Variants in PLGRKT observed in about 807,000 individuals in gnomAD.
The protein encoded by PLGRKT is plasminogen receptor with a C-terminal lysine, also known as plasminogen receptor (KT).
PLGRKT carries 22 observed loss-of-function variants against 18.5 expected under a neutral mutation model. The observed-to-expected ratio is 1.19, with a 90% confidence interval of 0.85 to 1.70. The LOEUF (loss-of-function observed/expected upper bound fraction) is 1.70, where lower values mean the gene tolerates loss of function less well. Among genes scored for constraint, PLGRKT ranks in the 40% most tolerant of loss-of-function variants. The pLI, the probability that PLGRKT is intolerant of heterozygous loss-of-function variation, is 0.00. For missense variants in PLGRKT, 235 were observed against 174.4 expected (o/e 1.35, Z -1.96); for synonymous variants, 72 against 52.8 (o/e 1.36, Z -1.58).
chr9:5,435,841 C>A (rs1468906202), intron 2 of PLGRKT, among the ~76,000 whole-genome samples: 1 of 152,204 alleles, frequency 6.6e-6, no homozygotes. Flanking sequence ...TTCATTACAG[C>A]CAGGATTCCC....
At chr9:5,430,558 C>G (rs1818803036) in intron 3 of PLGRKT, among the ~76,000 whole-genome samples, 1 of 152,152 alleles carries the variant, frequency 6.6e-6, no homozygotes, top group Non-Finnish European at 1.5e-5. Flanking sequence ...AGGCATTGTT[C>G]TATATATTTC....
chr9:5,434,188 C>A (rs528934581), intron 2 of PLGRKT, among the ~76,000 whole-genome samples: 10 of 147,938 alleles, frequency 6.8e-5, no homozygotes, highest in Middle Eastern at 7.4e-3. Flanking sequence ...GGCCGCCACC[C>A]CGTCTGGGAG....
At chr9:5,369,070 C>A (rs760655928) in intron 3 of PLGRKT, among the ~76,000 whole-genome samples, 8 of 152,114 alleles carry the variant, frequency 5.3e-5, no homozygotes, top group Non-Finnish European at 7.4e-5. Flanking sequence ...GACTAAAACA[C>A]CAAAAGCAAT....
intron 3 of PLGRKT, among the ~76,000 whole-genome samples, chr9:5,406,653 G>A (rs1818263685): frequency 2.6e-5 from 4 of 152,220 alleles, no homozygotes; most frequent in East Asian, 1.9e-4. Flanking sequence ...GAGCTAATGC[G>A]TGCTGGGCTT....
At position 5,418,740 on chromosome 9, in the gene PLGRKT, G is replaced by T. The variant is rs1437556273; in HGVS notation, c.81+13157C>A. On this transcript the variant is annotated intron_variant, in intron 3 of 5. Coordinates refer to ENST00000223864, the MANE Select transcript of PLGRKT (RefSeq NM_018465.4). The surrounding 1 kb of genome is among the most constrained non-coding windows in gnomAD (Gnocchi z 4.2). ...GCATGTGCTCCGAAGCGTGTGGAAT[G>T]GTGATGACAGCCAGGACCTCGGGGT... 4 of 683,038 alleles carry T rather than the reference G, an allele frequency of 5.9e-6. No individual in the cohort carries two copies. The highest frequency in any genetic ancestry group is 2.5e-4 in the Middle Eastern group (1 of 4,014). The allele number at this position is 683,038 out of a possible 1,614,324, so 42.3% of individuals were successfully genotyped here.
intron 3 of PLGRKT, among the ~76,000 whole-genome samples, chr9:5,420,708 T>C (rs1818559602): frequency 1.3e-5 from 2 of 152,210 alleles, no homozygotes; most frequent in Admixed American, 1.3e-4. Flanking sequence ...AAGATTGTGC[T>C]GCTTTCTTCT....
At chr9:5,412,709 G>C (rs1478739031) in intron 3 of PLGRKT, among the ~76,000 whole-genome samples, 3 of 152,186 alleles carry the variant, frequency 2.0e-5, no homozygotes, top group Non-Finnish European at 4.4e-5. Flanking sequence ...CTGTGGTATA[G>C]GGAAAAGCTT....
intron 3 of PLGRKT, among the ~76,000 whole-genome samples, chr9:5,416,269 T>C (rs1818456830): frequency 6.6e-6 from 1 of 152,106 alleles, no homozygotes; most frequent in Admixed American, 6.5e-5. Flanking sequence ...CTAGAAATCC[T>C]CCTCCTCCTG....
intron 3 of PLGRKT, among the ~76,000 whole-genome samples, chr9:5,424,856 GATGGGGTTTCACCGT>G (rs1818666057): frequency 6.6e-6 from 1 of 150,830 alleles, no homozygotes; most frequent in South Asian, 2.1e-4. Flanking sequence ...GTTTTGTAGA[GATGGGGTTTCACCGT>G]ATTGACCAGG....
At chr9:5,392,595 T>C (rs1586721625) in intron 3 of PLGRKT, 2 of 151,956 alleles carry the variant, frequency 1.3e-5, no homozygotes. Context: ...CCCTACATAC[T>C]AGCTGTGTGA....
At chr9:5,396,969 G>C (rs1432662141) in intron 3 of PLGRKT, among the ~76,000 whole-genome samples, 1 of 151,950 alleles carries the variant, frequency 6.6e-6, no homozygotes, top group Non-Finnish European at 1.5e-5. Flanking sequence ...ACTTCACAGT[G>C]ACAATAAAGG....
chr9:5,394,164 T>C (rs1168481503), intron 3 of PLGRKT, among the ~76,000 whole-genome samples: 2 of 151,894 alleles, frequency 1.3e-5, no homozygotes, highest in South Asian at 2.1e-4. Flanking sequence ...CAAAATGATC[T>C]AGACTTTTTG....
chr9:5,417,991 T>A (rs978470673), intron 3 of PLGRKT, among the ~76,000 whole-genome samples: 3 of 152,268 alleles, frequency 2.0e-5, no homozygotes, highest in African/African-American at 7.2e-5. Flanking sequence ...AGAGCATCTT[T>A]GTTTTAATCT....
At chr9:5,401,322 C>T (rs1818150120) in intron 3 of PLGRKT, among the ~76,000 whole-genome samples, 1 of 151,890 alleles carries the variant, frequency 6.6e-6, no homozygotes, top group African/African-American at 2.4e-5. Flanking sequence ...TTAGGTTATG[C>T]TTTTCTAGAA....
chr9:5,422,335 T>A (rs1422500059), intron 3 of PLGRKT, among the ~76,000 whole-genome samples: 7 of 152,172 alleles, frequency 4.6e-5, no homozygotes, highest in African/African-American at 1.4e-4. Context: ...AAAAGATTCT[T>A]GCTAAAAGAA....
chr9:5,433,278 A>G (rs1818870879), intron 2 of PLGRKT, among the ~76,000 whole-genome samples: 1 of 142,624 alleles, frequency 7.0e-6, no homozygotes, highest in Non-Finnish European at 1.5e-5. Context: ...CCGTCTAGGA[A>G]GTAAGGAGTG....
At chr9:5,423,709 CTT>C (rs932891077) in intron 3 of PLGRKT, among the ~76,000 whole-genome samples, 1 of 146,890 alleles carries the variant, frequency 6.8e-6, no homozygotes. Flanking sequence ...TATTATTTTT[CTT>C]TTTTTTTTGA....
intron 5 of PLGRKT, among the ~76,000 whole-genome samples, chr9:5,360,811 G>A (rs1817245930): frequency 6.6e-6 from 1 of 152,054 alleles, no homozygotes; most frequent in African/African-American, 2.4e-5. Context: ...TTTATTTATT[G>A]CAAGTTTATA....
At chr9:5,396,986 T>A (rs917863929) in intron 3 of PLGRKT, among the ~76,000 whole-genome samples, 4 of 152,000 alleles carry the variant, frequency 2.6e-5, no homozygotes, top group African/African-American at 9.7e-5. Context: ...AAGGCAAACA[T>A]AAGACTATTC....
Sources: gnomAD v4.1 joint callset for allele counts (sites outside exome capture counted in the v4.1 genomes callset) on GRCh38, gnomAD v4.1.1 for gene constraint, Gnocchi (gnomAD v3.1) non-coding constraint, MANE v1.5 for transcripts, NCBI Gene and HGNC (gene_info 2026-07-23, HGNC 2026-07-21) for gene names.